The following AFG1L variants were observed in gnomAD, a reference collection of about 807,000 sequenced individuals.
AFG1L encodes AFG1-like ATPase.
In AFG1L, 53 loss-of-function variants were observed where a neutral mutation model predicts 62.2. The observed-to-expected ratio is 0.85, with a 90% confidence interval of 0.68 to 1.07. The LOEUF is 1.07. Among genes scored for constraint, AFG1L ranks in the 50% least tolerant of loss-of-function variants. AFG1L has a pLI of 0.00. For missense variants in AFG1L, 555 were observed against 590.5 expected (o/e 0.94, Z 0.62); for synonymous variants, 228 against 210.3 (o/e 1.08, Z -0.73).
At chr6:108,340,012 C>T (rs752557215) in intron 2 of AFG1L, among the ~76,000 whole-genome samples, 20 of 151,886 alleles carry the variant, frequency 1.3e-4, no homozygotes, top group Non-Finnish European at 8.8e-5. Flanking sequence ...TTTTTGTACC[C>T]GTTAACCATC....
At chr6:108,307,411 T>A (rs1777241909) in intron 1 of AFG1L, among the ~76,000 whole-genome samples, 1 of 108,048 alleles carries the variant, frequency 9.3e-6, no homozygotes, top group African/African-American at 4.0e-5. Context: ...TCTTTCATCT[T>A]ATTTTTTTTT....
intron 7 of AFG1L, among the ~76,000 whole-genome samples, chr6:108,422,256 C>T (rs1360464421): frequency 6.6e-6 from 1 of 151,760 alleles, no homozygotes; most frequent in Non-Finnish European, 1.5e-5. Context: ...CCGATATCCA[C>T]TACTGGGAAG....
chr6:108,311,736 C>T (rs1009356175), intron 1 of AFG1L, among the ~76,000 whole-genome samples: 1 of 152,126 alleles, frequency 6.6e-6, no homozygotes, highest in Non-Finnish European at 1.5e-5. Flanking sequence ...TAGCACAGAG[C>T]TTTGTACACT....
chr6:108,513,485 G>A (rs1449127324), intron 11 of AFG1L, among the ~76,000 whole-genome samples: 1 of 152,248 alleles, frequency 6.6e-6, no homozygotes, highest in Non-Finnish European at 1.5e-5. Flanking sequence ...ATGGCTTGGA[G>A]GGTTCTACAC....
At chr6:108,505,453 G>C (rs1774377364) in intron 10 of AFG1L, among the ~76,000 whole-genome samples, 1 of 152,050 alleles carries the variant, frequency 6.6e-6, no homozygotes, top group East Asian at 1.9e-4. Flanking sequence ...AAGATAACCA[G>C]GCATATGAGG....
intron 1 of AFG1L, 65 bp from the exon 2 acceptor site, chr6:108,323,760 G>C (rs1777913306): frequency 5.9e-6 from 7 of 1,186,202 alleles, no homozygotes; most frequent in East Asian, 4.7e-5. Context: ...TGACCCTTAA[G>C]AAATGTGTAG....
At chr6:108,476,546 T>C (rs1021061982) in intron 8 of AFG1L, among the ~76,000 whole-genome samples, 1 of 152,210 alleles carries the variant, frequency 6.6e-6, no homozygotes, top group African/African-American at 2.4e-5. Context: ...TGCTCTTGTT[T>C]TGCATGCAAG....
intron 2 of AFG1L, among the ~76,000 whole-genome samples, chr6:108,341,743 A>C (rs1333968338): frequency 3.3e-5 from 5 of 152,092 alleles, no homozygotes; most frequent in African/African-American, 9.7e-5. Flanking sequence ...CTATCTGCAC[A>C]ATCTAAAAGG....
intron 6 of AFG1L, among the ~76,000 whole-genome samples, chr6:108,382,242 C>T (rs1183066232): frequency 2.6e-5 from 4 of 152,098 alleles, no homozygotes; most frequent in South Asian, 4.1e-4. Context: ...TCAGGTGATC[C>T]ACCCGCCTTG....
chr6:108,331,928 G>A (rs1341380838), intron 2 of AFG1L, among the ~76,000 whole-genome samples: 1 of 151,978 alleles, frequency 6.6e-6, no homozygotes, highest in East Asian at 1.9e-4. Flanking sequence ...TTTTTCTCCT[G>A]CCCTCTACCA....
chr6:108,465,575 T>A (rs1772631659), intron 8 of AFG1L, among the ~76,000 whole-genome samples: 1 of 152,114 alleles, frequency 6.6e-6, no homozygotes. Flanking sequence ...TGAATAGAGA[T>A]TTTTAGTGTA....
chr6:108,324,648 C>A (rs1276701623), intron 2 of AFG1L, among the ~76,000 whole-genome samples: 1 of 152,082 alleles, frequency 6.6e-6, no homozygotes, highest in Non-Finnish European at 1.5e-5. Context: ...GCCGACACCG[C>A]CTTGCTCTTG....
At chr6:108,515,651 A>G (rs1774849931) in intron 11 of AFG1L, among the ~76,000 whole-genome samples, 1 of 152,248 alleles carries the variant, frequency 6.6e-6, no homozygotes, top group South Asian at 2.1e-4. Flanking sequence ...AACTAAGATC[A>G]GAATAGAACG....
intron 2 of AFG1L, among the ~76,000 whole-genome samples, chr6:108,329,009 A>T (rs1030637990): frequency 6.6e-5 from 10 of 152,182 alleles, no homozygotes; most frequent in African/African-American, 2.4e-4. Flanking sequence ...GTGCATGTGA[A>T]TAAATGTTTA....
intron 10 of AFG1L, among the ~76,000 whole-genome samples, chr6:108,497,491 C>A (rs1774018779): frequency 6.6e-6 from 1 of 151,750 alleles, no homozygotes. Context: ...CACTTAATTC[C>A]TTTTTCATAT....
chr6:108,321,812 A>G (rs542808188), intron 1 of AFG1L, among the ~76,000 whole-genome samples: 29 of 152,336 alleles, frequency 1.9e-4, no homozygotes, highest in African/African-American at 6.7e-4. Context: ...CAGTTAGGGT[A>G]CAACTTAGGC....
At chr6:108,478,372 G>T (rs1189118068) in intron 10 of AFG1L, among the ~76,000 whole-genome samples, 2 of 152,248 alleles carry the variant, frequency 1.3e-5, no homozygotes, top group Non-Finnish European at 2.9e-5. Context: ...GGGAGGCGGA[G>T]CCTGCATTGA....
At chr6:108,358,926 C>T (rs1219051835) in intron 5 of AFG1L, among the ~76,000 whole-genome samples, 1 of 152,182 alleles carries the variant, frequency 6.6e-6, no homozygotes, top group Non-Finnish European at 1.5e-5. Flanking sequence ...AGCACATGAT[C>T]CTGAAGAAGA....
At chr6:108,383,757 T>C (rs1387884099) in intron 6 of AFG1L, among the ~76,000 whole-genome samples, 1 of 152,106 alleles carries the variant, frequency 6.6e-6, no homozygotes, top group Non-Finnish European at 1.5e-5. Context: ...ATTTTAGAAT[T>C]TGAAATATGC....
Sources: gnomAD v4.1 joint callset for allele counts (sites outside exome capture counted in the v4.1 genomes callset) on GRCh38, gnomAD v4.1.1 for gene constraint, MANE v1.5 for transcripts, NCBI Gene and HGNC (gene_info 2026-07-23, HGNC 2026-07-21) for gene names.